Variants in SH3D19 observed in about 807,000 individuals in gnomAD.
SH3D19 encodes SH3 domain containing 19.
In SH3D19, 58 loss-of-function variants were observed where a neutral mutation model predicts 112.1. The observed-to-expected ratio is 0.52, with a 90% CI of 0.42 to 0.64. SH3D19 has a LOEUF of 0.64. SH3D19 is among the 30% of genes least tolerant of loss of function. The pLI, the probability that SH3D19 is intolerant of heterozygous loss-of-function variation, is 0.00. For synonymous variants in SH3D19, 391 were observed against 448.5 expected (o/e 0.87, Z 1.62); for missense variants, 1,090 against 1,263.4 (o/e 0.86, Z 2.08).
At position 151,176,729 on chromosome 4, in the gene SH3D19, T is replaced by C. The variant is rs750716317; in HGVS notation, c.376-42A>G. On this transcript the variant is annotated intron_variant, in intron 5 of 19. Transcript: ENST00000604030. ...GAAGATTTTAGACATCTAAGGGCAATAGCTAAGGTGTTGACAGTCTCACTG... is the reference window on the plus strand; with the variant it reads ...GAAGATTTTAGACATCTAAGGGCAACAGCTAAGGTGTTGACAGTCTCACTG... The C allele has an allele frequency of 3.6e-4, 447 of 1,227,696 alleles. 1 individual carries two copies. Among genetic ancestry groups the C allele is most frequent in the Non-Finnish European group, 4.4e-4 (430 of 983,966 alleles). 76.1% of individuals were successfully genotyped at this position (1,227,696 alleles called of 1,614,324 possible).
At chr4:151,217,245 A>C (rs1767281967) in intron 2 of SH3D19, among the ~76,000 whole-genome samples, 2 of 152,216 alleles carry the variant, frequency 1.3e-5, no homozygotes, top group African/African-American at 4.8e-5. Flanking sequence ...CAGCTAAAAC[A>C]AGTTAAATCT....
At chr4:151,282,703 T>C (rs148209180) in intron 1 of SH3D19, among the ~76,000 whole-genome samples, 1,634 of 152,300 alleles carry the variant, frequency 0.011, 31 homozygotes, top group African/African-American at 0.037. Context: ...GATTTAAAGT[T>C]TGGAGAGCGT....
intron 9 of SH3D19, among the ~76,000 whole-genome samples, chr4:151,154,975 C>G (rs1755810395): frequency 6.6e-6 from 1 of 152,090 alleles, no homozygotes; most frequent in South Asian, 2.1e-4. Flanking sequence ...CCAGACTGAT[C>G]TCAAACTCCT....
chr4:151,125,378 C>T (rs1040808179), intron 19 of SH3D19, among the ~76,000 whole-genome samples: 5 of 151,188 alleles, frequency 3.3e-5, no homozygotes, highest in Non-Finnish European at 5.9e-5. Context: ...GGTGGAGAAT[C>T]GCTTGAGCCC....
intron 1 of SH3D19, among the ~76,000 whole-genome samples, chr4:151,274,541 G>T (rs1773446814): frequency 6.6e-6 from 1 of 152,216 alleles, no homozygotes; most frequent in Non-Finnish European, 1.5e-5. Context: ...GCAGTTTATA[G>T]TAGGACAGAA....
intron 2 of SH3D19, among the ~76,000 whole-genome samples, chr4:151,202,198 G>C (rs1187070556): frequency 6.6e-6 from 1 of 152,058 alleles, no homozygotes; most frequent in Non-Finnish European, 1.5e-5. Flanking sequence ...AGCCGGGCGT[G>C]GTGGCACACA....
At chr4:151,279,363 T>C (rs967678831) in intron 1 of SH3D19, among the ~76,000 whole-genome samples, 2 of 152,148 alleles carry the variant, frequency 1.3e-5, no homozygotes, top group African/African-American at 4.8e-5. Context: ...AAAAAAAATT[T>C]TAAGTTAAAT....
intron 1 of SH3D19, among the ~76,000 whole-genome samples, chr4:151,319,559 G>A (rs1436523186): frequency 2.0e-5 from 3 of 152,140 alleles, no homozygotes; most frequent in African/African-American, 7.2e-5. Context: ...GACTCTGAGA[G>A]GATATGACCT....
In SH3D19 at chr4:151,141,901, C is replaced by T. The variant is rs561503951; in HGVS notation, c.2223+2009G>A. 8.3e-4 allele frequency among the ~76,000 whole-genome samples: 127 copies of T among 152,284 alleles called. 1 individual carries two copies. In the South Asian group the frequency reaches 9.5e-3, roughly 11 times the overall value. On this transcript the variant is annotated intron_variant, in intron 12 of 19. Coordinates refer to ENST00000604030, the MANE Select transcript of SH3D19 (RefSeq NM_001378122.1). ...GAGGGAGGGGATAATTTGTGCCTCCCAGTCACACATTTTCCCTTCTCTGCC... is the reference window on the plus strand; with the variant it reads ...GAGGGAGGGGATAATTTGTGCCTCCTAGTCACACATTTTCCCTTCTCTGCC...
Sources: allele counts gnomAD v4.1 joint callset (sites outside exome capture counted in the v4.1 genomes callset), GRCh38; gene constraint gnomAD v4.1.1; transcripts MANE v1.5; gene names NCBI Gene and HGNC (gene_info 2026-07-23, HGNC 2026-07-21).